BUB1: variants seen among roughly 807,000 people sequenced by gnomAD.
The protein encoded by BUB1 is mitotic checkpoint serine/threonine-protein kinase BUB1.
Under a neutral mutation model 135.2 loss-of-function variants are expected in BUB1, and 84 were observed. The ratio of observed to expected loss-of-function variants is 0.62; its 90% CI spans 0.52 to 0.74. BUB1 has a LOEUF of 0.74. Among genes scored for constraint, BUB1 ranks in the 30% least tolerant of loss-of-function variants. BUB1 has a pLI of 0.00. For synonymous variants in BUB1, 403 were observed against 434.4 expected (o/e 0.93, Z 0.90); for missense variants, 1,162 against 1,288.3 (o/e 0.90, Z 1.50).
At chr2:110,673,943 C>T (rs1377925596) in intron 3 of BUB1, 143 bp downstream of exon 3, 3 of 710,018 alleles carry the variant, frequency 4.2e-6, no homozygotes, top group Non-Finnish European at 6.7e-6. Flanking sequence ...TCTGTTGAAT[C>T]AGAGAATGAA....
At chr2:110,676,443 A>G (rs1690586440) in intron 1 of BUB1, 1 of 152,242 alleles carries the variant, frequency 6.6e-6, no homozygotes, top group South Asian at 2.1e-4. Flanking sequence ...ATTATCTACC[A>G]AAACTGGACT....
Position 110,649,147 on chromosome 2 carries a change from TCACACA to T in BUB1, c.2347+81_2347+86del, listed in dbSNP as rs34802999. The T allele has an allele frequency of 1.0e-4, 119 of 1,137,724 alleles. 1 individual carries two copies. The South Asian group carries it at 1.6e-3, about 15-fold the overall frequency. The allele number at this position is 1,137,724 out of a possible 1,614,324, so 70.5% of individuals were successfully genotyped here. On this transcript the variant is annotated intron_variant, in intron 19 of 24. Coordinates refer to ENST00000302759, the MANE Select transcript of BUB1 (RefSeq NM_004336.5). ...GGAGGTTGGGGGGCAAATAGGAGAA[TCACACA>T]CACACACACACACACACGTTACCAT...
chr2:110,661,117 GT>G (rs1208038904), intron 10 of BUB1: 2 of 152,796 alleles, frequency 1.3e-5, no homozygotes, highest in Admixed American at 1.3e-4. Context: ...CAAAATTGGG[GT>G]AAAAACTTCC....
intron 19 of BUB1, among the ~76,000 whole-genome samples, chr2:110,644,122 GACA>G (rs1454650688): frequency 6.7e-6 from 1 of 150,266 alleles, no homozygotes; most frequent in East Asian, 2.0e-4. Context: ...AGGAATGTGG[GACA>G]ACTACAAAAT....
intron 4 of BUB1, among the ~76,000 whole-genome samples, chr2:110,670,971 A>G (rs1327510179): frequency 6.6e-6 from 1 of 152,244 alleles, no homozygotes; most frequent in Non-Finnish European, 1.5e-5. Context: ...TACTTAGATT[A>G]CTGCTTCAAA....
chr2:110,659,723 T>C (rs1400351720), intron 11 of BUB1, among the ~76,000 whole-genome samples: 1 of 152,262 alleles, frequency 6.6e-6, no homozygotes, highest in Non-Finnish European at 1.5e-5. Flanking sequence ...TTTGGATTAA[T>C]TTCCTGAGAA....
At chr2:110,654,124 G>A (rs1296281759) in intron 16 of BUB1, among the ~76,000 whole-genome samples, 1 of 152,146 alleles carries the variant, frequency 6.6e-6, no homozygotes, top group Non-Finnish European at 1.5e-5. Flanking sequence ...CAGACCATGG[G>A]AAGTTACTGG....
At position 110,645,797 on chromosome 2, in the gene BUB1, G is replaced by A. The variant is rs114828420; in HGVS notation, c.2347+3437C>T. On this transcript the variant is annotated intron_variant, in intron 19 of 24. Coordinates refer to ENST00000302759, the MANE Select transcript of BUB1 (RefSeq NM_004336.5). ...TGTCCAGACTTGTCTCAAACTCCTG[G>A]CCTCAGCTGATCCTATTGCCTTGGC... Among the ~76,000 whole-genome samples the A allele has an allele frequency of 1.9e-3, 283 of 152,026 alleles. 1 individual carries two copies. The highest frequency in any genetic ancestry group is 6.6e-3 in the African/African-American group (275 of 41,460).
intron 18 of BUB1, 50 bp from the exon 19 acceptor site, chr2:110,649,427 C>G: frequency 6.8e-7 from 1 of 1,476,208 alleles, no homozygotes; most frequent in Non-Finnish European, 9.1e-7. Flanking sequence ...ATTGAGTACT[C>G]AAGAACTTTA....
chr2:110,642,149 AT>A lies in BUB1; in HGVS notation c.2432del (p.Asp811ValfsTer10). 2.5e-6 allele frequency: 4 copies of A among 1,612,670 alleles called. No individual in the cohort carries two copies. Among genetic ancestry groups the A allele is most frequent in the Non-Finnish European group, 3.4e-6 (4 of 1,179,406 alleles). ...VYEATQGDLNDAKNKQKFVLK... is the reference protein window; with the variant it reads ...VYEATQGDLNXAKNKQKFVLK... ...AAACAAATTTCTGTTTATTTTTAGC[AT>A]CATTCAGATCTCCCTGGGTAGCTTC... is the stretch of plus-strand genomic sequence containing the variant. On this transcript the variant is annotated frameshift_variant, in exon 20 of 25. Transcript: ENST00000302759. LOFTEE classifies it high-confidence loss of function.
intron 9 of BUB1, among the ~76,000 whole-genome samples, chr2:110,663,704 T>G (rs1007328351): frequency 2.0e-5 from 3 of 151,708 alleles, no homozygotes; most frequent in African/African-American, 7.3e-5. Context: ...AAGGTGGAGG[T>G]GAAGATAGGA....
At chr2:110,640,238 T>C (rs534767506) in intron 23 of BUB1, among the ~76,000 whole-genome samples, 2 of 152,208 alleles carry the variant, frequency 1.3e-5, no homozygotes, top group Admixed American at 1.3e-4. Flanking sequence ...ATGTTCATAA[T>C]TGAAAAGAAC....
chr2:110,661,865 A>T (rs748545671), intron 9 of BUB1, 24 bp from the exon 10 acceptor site: 2 of 1,608,288 alleles, frequency 1.2e-6, no homozygotes, highest in South Asian at 2.2e-5. Context: ...CAAACAAACA[A>T]CAAAAACAAA....
At chr2:110,663,326 A>G (rs1227136671) in intron 9 of BUB1, among the ~76,000 whole-genome samples, 3 of 152,236 alleles carry the variant, frequency 2.0e-5, no homozygotes, top group Admixed American at 6.5e-5. Flanking sequence ...ATGATCAAGA[A>G]GAGATCTACT....
Position 110,639,773 on chromosome 2 carries a change from C to T in BUB1, c.3031G>A (p.Gly1011Arg), listed in dbSNP as rs775324806. ...AAAAGACCTTCAGGCTTACACTCTC[C>T]TCCTTCATTTTTCACTTTCATGTAA... ...GTYMKVKNEG[G>R]ECKPEGLFRR... Residue 1011 changes from glycine (G) to arginine (R), a missense_variant, in exon 24 of 25, where the codon GGA (glycine) becomes AGA (arginine). Transcript: ENST00000302759. The T allele has an allele frequency of 6.2e-7, 1 of 1,613,934 alleles. No homozygotes were observed. Among genetic ancestry groups the T allele is most frequent in the South Asian group, 1.1e-5 (1 of 91,064 alleles).
chr2:110,677,902 C>A (rs1690636583), intron 1 of BUB1, 68 bp downstream of exon 1: 1 of 1,535,310 alleles, frequency 6.5e-7, no homozygotes, highest in Non-Finnish European at 8.8e-7. Context: ...AGGTCTGGGG[C>A]GGGCCGGGCC....
rs1689993803 is a variant in BUB1, at chr2:110,658,526, A to G, written c.1406-6T>C. On this transcript the variant is annotated splice_region_variant and splice_polypyrimidine_tract_variant and intron_variant, in intron 12 of 24. Transcript: ENST00000302759. ...AAACATATTCATGATGAAACCTTAAAGAACAAAAAGAATAATTGTAAACAG... is the reference window on the plus strand; with the variant it reads ...AAACATATTCATGATGAAACCTTAAGGAACAAAAAGAATAATTGTAAACAG... 6.2e-7 allele frequency: 1 copy of G among 1,613,712 alleles called. No homozygotes were observed. The highest frequency in any genetic ancestry group is 8.5e-7 in the Non-Finnish European group (1 of 1,179,818).
At position 110,650,660 on chromosome 2, in the gene BUB1, C is replaced by T. The variant is rs768572140; in HGVS notation, c.2089G>A (p.Ala697Thr). 5.0e-6 allele frequency: 8 copies of T among 1,613,882 alleles called. No homozygotes were observed. The highest frequency in any genetic ancestry group is 6.8e-6 in the Non-Finnish European group (8 of 1,179,976). Residue 697 changes from alanine to threonine, a missense_variant, in exon 18 of 25, where the codon GCT becomes ACT. Coordinates refer to ENST00000302759, the MANE Select transcript of BUB1 (RefSeq NM_004336.5). Reference protein sequence around the residue: ...LTCEAELGVEACRLTDTDAAI... With the variant: ...LTCEAELGVETCRLTDTDAAI... The stretch of plus-strand genomic sequence containing the variant: ...GCGTCAGTGTCTGTGAGTCTGCAAG[C>T]CTCAACGCCCAACTCTGCCTCACAG...
At chr2:110,663,887 G>T (rs1297941782) in intron 9 of BUB1, among the ~76,000 whole-genome samples, 2 of 152,040 alleles carry the variant, frequency 1.3e-5, no homozygotes, top group Non-Finnish European at 2.9e-5. Context: ...AAATTAGCCA[G>T]GCATGGTGGC....
Sources: allele counts gnomAD v4.1 joint callset (sites outside exome capture counted in the v4.1 genomes callset), GRCh38; gene constraint gnomAD v4.1.1; transcripts MANE v1.5; gene names NCBI Gene and HGNC (gene_info 2026-07-23, HGNC 2026-07-21).